Variants in ZEB1 observed in about 807,000 individuals in gnomAD.
ZEB1 encodes the protein zinc finger E-box-binding homeobox 1.
In ZEB1, 21 loss-of-function variants were observed where a neutral mutation model predicts 84.9. That is an observed-to-expected ratio of 0.25 (90% CI 0.18 to 0.36). The LOEUF is 0.36. Ranked by LOEUF, ZEB1 falls within the 10% of genes least tolerant of loss-of-function variation. ZEB1 has a pLI of 1.00. For synonymous variants in ZEB1, 420 were observed against 471.1 expected (o/e 0.89, Z 1.41); for missense variants, 1,104 against 1,330.2 (o/e 0.83, Z 2.65).
chr10:31,503,581 C>T (rs1205010142), intron 4 of ZEB1, among the ~76,000 whole-genome samples: 1 of 151,930 alleles, frequency 6.6e-6, no homozygotes, highest in Non-Finnish European at 1.5e-5. Context: ...TGGATAAATA[C>T]CCAGTAGTGG....
intron 7 of ZEB1, among the ~76,000 whole-genome samples, 169 bp downstream of exon 7, chr10:31,522,105 T>C (rs1412520528): frequency 1.3e-5 from 2 of 152,226 alleles, no homozygotes; most frequent in Non-Finnish European, 2.9e-5. Context: ...ATGTCTTCAG[T>C]TGGTTGTTTG....
chr10:31,506,963 C>A (rs1475699962), intron 4 of ZEB1, among the ~76,000 whole-genome samples: 1 of 152,046 alleles, frequency 6.6e-6, no homozygotes, highest in Non-Finnish European at 1.5e-5. Context: ...TGGTAGATAT[C>A]TTCCTGTCAC....
At chr10:31,460,977 T>C in intron 1 of ZEB1, 60 bp from the exon 2 acceptor site, 1 of 1,324,016 alleles carries the variant, frequency 7.6e-7, no homozygotes, top group East Asian at 2.4e-5. Flanking sequence ...TTTTCTGAGA[T>C]GTAAAAACTG....
chr10:31,445,166 TC>T (rs1366656146), intron 1 of ZEB1, among the ~76,000 whole-genome samples: 2 of 141,738 alleles, frequency 1.4e-5, no homozygotes, highest in Non-Finnish European at 2.9e-5. Flanking sequence ...TATTTTATTC[TC>T]TTTGAAGCAA....
rs2034022889 is a variant in ZEB1 at position 31,321,455 on chromosome 10, A to T, written c.58+2163A>T. ...GTGGAGCATAGGCTATTGCAATTTT[A>T]ATTTCCTGTTTTAGCGTCAAATAGT... On this transcript the variant is annotated intron_variant, in intron 1 of 8. Coordinates refer to ENST00000424869, the MANE Select transcript of ZEB1 (RefSeq NM_001174096.2). The T allele has an allele frequency of 4.3e-6, 7 of 1,613,954 alleles. No homozygotes were observed. In the East Asian group the frequency reaches 1.6e-4, roughly 36 times the overall value.
chr10:31,412,759 G>T (rs1366288568), intron 1 of ZEB1, among the ~76,000 whole-genome samples: 1 of 152,118 alleles, frequency 6.6e-6, no homozygotes, highest in Non-Finnish European at 1.5e-5. Flanking sequence ...AGTGTAATAA[G>T]CTTTTCAGAA....
At chr10:31,423,736 G>A (rs973039135) in intron 1 of ZEB1, among the ~76,000 whole-genome samples, 1 of 151,984 alleles carries the variant, frequency 6.6e-6, no homozygotes, top group Non-Finnish European at 1.5e-5. Flanking sequence ...GAAAACTTCA[G>A]GGTTTTTAGT....
At chr10:31,440,336 G>C (rs545620017) in intron 1 of ZEB1, among the ~76,000 whole-genome samples, 82 of 152,210 alleles carry the variant, frequency 5.4e-4, no homozygotes, top group Non-Finnish European at 9.9e-4. Context: ...TGCAGAAAAG[G>C]CCTTTGACAA....
intron 1 of ZEB1, chr10:31,381,798 A>T (rs2047685513): frequency 6.6e-6 from 1 of 151,988 alleles, no homozygotes; most frequent in South Asian, 2.1e-4. Context: ...ATCACTTGAG[A>T]TCAGGAGTTC....
At chr10:31,516,539 T>TAAAAAA (rs71027029) in intron 6 of ZEB1, among the ~76,000 whole-genome samples, 17 of 34,070 alleles carry the variant, frequency 5.0e-4, no homozygotes, top group African/African-American at 1.7e-3. Flanking sequence ...TGTCTGTAAG[T>TAAAAAA]AAAAAAAAAA....
At chr10:31,385,767 C>G (rs941280898) in intron 1 of ZEB1, among the ~76,000 whole-genome samples, 1 of 152,022 alleles carries the variant, frequency 6.6e-6, no homozygotes, top group African/African-American at 2.4e-5. Flanking sequence ...ACCTCGTAAT[C>G]CGCCAGCCTC....
At chr10:31,474,852 A>T (rs1311204027) in intron 2 of ZEB1, among the ~76,000 whole-genome samples, 1 of 152,216 alleles carries the variant, frequency 6.6e-6, no homozygotes, top group African/African-American at 2.4e-5. Context: ...AAAAGGTGGC[A>T]CATATACACC....
chr10:31,360,552 A>T (rs1452954870), intron 1 of ZEB1, among the ~76,000 whole-genome samples: 2 of 152,222 alleles, frequency 1.3e-5, no homozygotes, highest in East Asian at 3.8e-4. Flanking sequence ...GATCTCTTTA[A>T]TTATTCAGAA....
At chr10:31,400,817 T>A (rs948869441) in intron 1 of ZEB1, among the ~76,000 whole-genome samples, 1 of 152,152 alleles carries the variant, frequency 6.6e-6, no homozygotes, top group Non-Finnish European at 1.5e-5. Flanking sequence ...AAATAATTTT[T>A]AAATACATAA....
At chr10:31,399,725 C>A (rs2051554940) in intron 1 of ZEB1, among the ~76,000 whole-genome samples, 1 of 152,088 alleles carries the variant, frequency 6.6e-6, no homozygotes, top group African/African-American at 2.4e-5. Context: ...TGAAAATCCT[C>A]CATTGACTTT....
At chr10:31,474,531 G>T (rs1360538755) in intron 2 of ZEB1, among the ~76,000 whole-genome samples, 2 of 152,168 alleles carry the variant, frequency 1.3e-5, no homozygotes, top group Non-Finnish European at 2.9e-5. Flanking sequence ...ACACCAGTTA[G>T]AATGGCAATC....
At chr10:31,517,341 A>G (rs1052160315) in intron 6 of ZEB1, among the ~76,000 whole-genome samples, 1 of 152,084 alleles carries the variant, frequency 6.6e-6, no homozygotes, top group Non-Finnish European at 1.5e-5. Context: ...GAATTGAGCT[A>G]TCATGAGGAA....
In ZEB1 at chr10:31,362,929, C is replaced by T. The variant is rs1341019889; in HGVS notation, c.58+43637C>T. On this transcript the variant is annotated intron_variant, in intron 1 of 8. Transcript: ENST00000424869. ...CTTACGCATGTTGCCATGCTGGAGG[C>T]GTCCTTCTCTTTGGGAAGCCTGACC... 5.2e-6 allele frequency: 8 copies of T among 1,527,052 alleles called. No homozygotes were observed. The Middle Eastern group carries it at 9.2e-4, about 176-fold the overall frequency. 94.6% of individuals were successfully genotyped at this position (1,527,052 alleles called of 1,614,324 possible). A position where few individuals can be genotyped will look rare whatever the true frequency, so the allele number is the denominator to read the frequency against.
chr10:31,399,783 G>T (rs1353136515), intron 1 of ZEB1, among the ~76,000 whole-genome samples: 2 of 152,086 alleles, frequency 1.3e-5, no homozygotes, highest in Non-Finnish European at 2.9e-5. Flanking sequence ...AGCCTACCAG[G>T]CTCTGTGCTC....
Sources: allele counts gnomAD v4.1 joint callset (sites outside exome capture counted in the v4.1 genomes callset), GRCh38; gene constraint gnomAD v4.1.1; transcripts MANE v1.5; gene names NCBI Gene and HGNC (gene_info 2026-07-23, HGNC 2026-07-21).